KCND3: variants seen among roughly 807,000 people sequenced by gnomAD.
KCND3 encodes the protein A-type voltage-gated potassium channel KCND3.
Under a neutral mutation model 51.1 loss-of-function variants are expected in KCND3, and 9 were observed. The observed-to-expected ratio is 0.18, with a 90% confidence interval of 0.11 to 0.31. The LOEUF (loss-of-function observed/expected upper bound fraction) is 0.31. KCND3 is among the 10% of genes least tolerant of loss of function. The pLI, the probability that KCND3 is intolerant of heterozygous loss-of-function variation, is 1.00. For synonymous variants in KCND3, 349 were observed against 368.0 expected, an observed-to-expected ratio of 0.95 and a Z score of 0.59; for missense variants, 526 against 903.8, an observed-to-expected ratio of 0.58 and a Z score of 5.36.
At chr1:111,799,010 A>T (rs76374175) in intron 2 of KCND3, among the ~76,000 whole-genome samples, 2,921 of 152,162 alleles carry the variant, frequency 0.019, 92 homozygotes, top group African/African-American at 0.065. Context: ...GTGATCCCTG[A>T]TTTGTCACTG....
At position 111,776,182 on chromosome 1, in the gene KCND3, T is replaced by C; in HGVS notation, c.1863A>G (p.Pro621=). The part of the protein sequence containing the change: ...TTAIISIPTP[P]ALTPEGESRP... ...GACTTTCCCCCTCTGGGGTTAGCGCTGGGGGAGTGGGGATGCTGATGATGG... is the reference window on the plus strand; with the variant it reads ...GACTTTCCCCCTCTGGGGTTAGCGCCGGGGGAGTGGGGATGCTGATGATGG... The change falls in exon 8 of 8, where the codon CCA becomes CCG. Residue 621 remains proline, a synonymous_variant. Transcript: ENST00000302127. 2 of 1,614,080 alleles carry C rather than the reference T, an allele frequency of 1.2e-6. No homozygotes were observed. Among genetic ancestry groups the C allele is most frequent in the South Asian group, 2.2e-5 (2 of 91,078 alleles).
chr1:111,957,702 C>T (rs1010339326), intron 2 of KCND3, among the ~76,000 whole-genome samples: 2 of 152,210 alleles, frequency 1.3e-5, no homozygotes, highest in Non-Finnish European at 2.9e-5. Flanking sequence ...CTCCTGCCCT[C>T]TACTCTTTAT....
chr1:111,804,726 C>T (rs1162129100), intron 2 of KCND3, among the ~76,000 whole-genome samples: 1 of 152,232 alleles, frequency 6.6e-6, no homozygotes, highest in African/African-American at 2.4e-5. Context: ...CTCCAAACAA[C>T]CCCAGATAGG....
intron 2 of KCND3, among the ~76,000 whole-genome samples, chr1:111,915,805 C>G (rs960154855): frequency 1.4e-5 from 2 of 144,588 alleles, no homozygotes; most frequent in Non-Finnish European, 3.0e-5. Context: ...GACAAAGTAG[C>G]CTTTAGAACA....
intron 2 of KCND3, among the ~76,000 whole-genome samples, chr1:111,838,680 AAC>A (rs1667188504): frequency 7.1e-6 from 1 of 140,866 alleles, no homozygotes; most frequent in African/African-American, 2.9e-5. Flanking sequence ...CAAAAGCAAA[AAC>A]AACAACAACA....
At position 111,893,214 on chromosome 1, in the gene KCND3, G is replaced by A. The variant is rs17028985; in HGVS notation, c.1106+88407C>T. On this transcript the variant is annotated intron_variant, in intron 2 of 7. Transcript: ENST00000302127. ...TAGCTGATGAAGGCTATGGCAGCCC[G>A]GCAAGTACAGAGTACTAAGTGGGAA... Among the ~76,000 whole-genome samples, 2,044 of 152,288 alleles carry A rather than the reference G, an allele frequency of 0.013. 85 individuals are homozygous for A. The East Asian group carries it at 0.17, about 12-fold the overall frequency.
At chr1:111,788,616 C>T (rs1180988045) in intron 2 of KCND3, among the ~76,000 whole-genome samples, 1 of 152,194 alleles carries the variant, frequency 6.6e-6, no homozygotes, top group Non-Finnish European at 1.5e-5. Flanking sequence ...CTCAAGATTT[C>T]CTGGACGTGC....
At chr1:111,776,888 G>T in intron 7 of KCND3, 138 bp downstream of exon 7, 1 of 1,496,344 alleles carries the variant, frequency 6.7e-7, no homozygotes. Flanking sequence ...GCAAGGAAAG[G>T]AGGAAGGTAG....
At chr1:111,967,279 G>T (rs1209422606) in intron 2 of KCND3, among the ~76,000 whole-genome samples, 1 of 152,118 alleles carries the variant, frequency 6.6e-6, no homozygotes, top group Admixed American at 6.5e-5. Flanking sequence ...GCTCCAAAGG[G>T]AATAGCAAAC....
intron 2 of KCND3, among the ~76,000 whole-genome samples, chr1:111,964,048 T>C (rs1218524352): frequency 6.6e-6 from 1 of 152,218 alleles, no homozygotes; most frequent in Non-Finnish European, 1.5e-5. Flanking sequence ...TCAGGGTCTC[T>C]GAATTGCTTT....
intron 2 of KCND3, among the ~76,000 whole-genome samples, chr1:111,804,016 T>A (rs1053097095): frequency 1.3e-5 from 2 of 152,192 alleles, no homozygotes; most frequent in Non-Finnish European, 2.9e-5. Flanking sequence ...ACATCCTTTT[T>A]ATAATAGCGC....
rs1671631641 is a variant in KCND3 at position 111,924,878 on chromosome 1, A to T, written c.1106+56743T>A. ...ATTGCTGTCTCCTACCTGGGAGGGA[A>T]GCCAGACCCTGCATGTGTATCCACT... On this transcript the variant is annotated intron_variant, in intron 2 of 7. Transcript: ENST00000302127. 2.0e-5 allele frequency among the ~76,000 whole-genome samples: 3 copies of T among 152,362 alleles called. No homozygotes were observed. In the South Asian group the frequency reaches 6.2e-4, roughly 32 times the overall value.
intron 2 of KCND3, among the ~76,000 whole-genome samples, chr1:111,811,074 A>T (rs1665825661): frequency 6.6e-6 from 1 of 152,158 alleles, no homozygotes. Flanking sequence ...ATTTCATTAG[A>T]TCTTATCTGT....
intron 2 of KCND3, among the ~76,000 whole-genome samples, chr1:111,980,160 G>C (rs181522018): frequency 1.3e-5 from 2 of 151,144 alleles, no homozygotes; most frequent in Non-Finnish European, 2.9e-5. Flanking sequence ...AAGGTCAAAT[G>C]ACCAAACATT....
chr1:111,954,326 C>T (rs1261459352), intron 2 of KCND3, among the ~76,000 whole-genome samples: 2 of 152,166 alleles, frequency 1.3e-5, no homozygotes, highest in African/African-American at 4.8e-5. Flanking sequence ...TGCCCGCTAC[C>T]CCACCCCATT....
chr1:111,776,103 T>C lies in KCND3; in HGVS notation c.1942A>G (p.Asn648Asp), dbSNP rs753669886. 2 of 1,614,046 alleles carry C rather than the reference T, an allele frequency of 1.2e-6. No homozygotes were observed. Among genetic ancestry groups the C allele is most frequent in the African/African-American group, 2.7e-5 (2 of 74,902 alleles). The part of the protein sequence containing the change: ...PNTNIPSIAS[N>D]VVKVSAL ...TACAAGGCGGAGACCTTGACAACAT[T>C]GCTGGCTATGGAAGGAATGTTCGTG... The change falls in exon 8 of 8, where the codon AAT becomes GAT. Residue 648 changes from asparagine to aspartate, a missense_variant. Around this residue, in one of 5 missense-constraint regions of KCND3, gnomAD observed 266 missense variants for 305.5 expected, o/e 0.87. Transcript: ENST00000302127.
chr1:111,908,625 C>G (rs914380836), intron 2 of KCND3, among the ~76,000 whole-genome samples: 1 of 152,150 alleles, frequency 6.6e-6, no homozygotes, highest in East Asian at 1.9e-4. Flanking sequence ...CCTGCCCAGA[C>G]CCCCTCCCTC....
chr1:111,864,728 T>C (rs1225643960), intron 2 of KCND3, among the ~76,000 whole-genome samples: 6 of 152,140 alleles, frequency 3.9e-5, no homozygotes, highest in Non-Finnish European at 8.8e-5. Context: ...TCAAGCAGCT[T>C]CCCAAACTAT....
At chr1:111,888,157 G>A (rs1384636359) in intron 2 of KCND3, among the ~76,000 whole-genome samples, 1 of 152,246 alleles carries the variant, frequency 6.6e-6, no homozygotes, top group African/African-American at 2.4e-5. Flanking sequence ...AGGGAAGAGG[G>A]ATGGGACTTA....
Sources: gnomAD v4.1 joint callset for allele counts (sites outside exome capture counted in the v4.1 genomes callset) on GRCh38, gnomAD v4.1.1 for gene constraint, gnomAD v4.1.1 regional missense constraint, MANE v1.5 for transcripts, NCBI Gene and HGNC (gene_info 2026-07-23, HGNC 2026-07-21) for gene names.